Variants in TYK2 observed in about 807,000 individuals in gnomAD.
TYK2 encodes non-receptor tyrosine-protein kinase TYK2.
A neutral mutation model predicts 130.9 loss-of-function variants in TYK2; 65 were observed. The ratio of observed to expected loss-of-function variants is 0.50; its 90% CI spans 0.41 to 0.61. The LOEUF (loss-of-function observed/expected upper bound fraction) is 0.61. Among genes scored for constraint, TYK2 ranks in the 20% least tolerant of loss-of-function variants. TYK2 has a pLI of 0.00. For missense variants in TYK2, 1,378 were observed against 1,610.7 expected (o/e 0.86, Z 2.47); for synonymous variants, 647 against 658.9 (o/e 0.98, Z 0.28).
intron 3 of TYK2, among the ~76,000 whole-genome samples, chr19:10,377,572 G>A (rs1276802003): frequency 5.0e-3 from 249 of 49,388 alleles, no homozygotes; most frequent in Middle Eastern, 0.024. Context: ...GGATGGGTGG[G>A]TGGGTGGATG....
chr19:10,356,769 C>CCGTT, intron 17 of TYK2, 51 bp from the exon 18 acceptor site: 1 of 1,550,662 alleles, frequency 6.4e-7, no homozygotes, highest in Non-Finnish European at 8.7e-7. Flanking sequence ...CGCCCCCAAC[C>CCGTT]CGTTCCCCAA....
At chr19:10,368,590 T>C in intron 3 of TYK2, 172 bp from the exon 4 acceptor site, 3 of 884,552 alleles carry the variant, frequency 3.4e-6, no homozygotes, top group Non-Finnish European at 5.2e-6. Flanking sequence ...TTGCCCATGC[T>C]GTGGCCTCAC....
chr19:10,379,447 G>A (rs1480667208), intron 2 of TYK2, among the ~76,000 whole-genome samples, 168 bp downstream of exon 2: 26 of 150,642 alleles, frequency 1.7e-4, no homozygotes, highest in Admixed American at 1.7e-3. Context: ...CAGATCACGA[G>A]GTCTGGAGAT....
chr19:10,351,662 TA>T (rs1466423898), intron 23 of TYK2, among the ~76,000 whole-genome samples: 1 of 152,210 alleles, frequency 6.6e-6, no homozygotes, highest in Non-Finnish European at 1.5e-5. Flanking sequence ...CTGTGAACGT[TA>T]AACTAATATT....
chr19:10,357,734 G>A (rs563322806), intron 17 of TYK2, 30 bp downstream of exon 17: 39 of 1,580,870 alleles, frequency 2.5e-5, no homozygotes, highest in Admixed American at 7.3e-5. Flanking sequence ...CCCCCACTGC[G>A]GGGAGGGCCC....
Position 10,362,595 on chromosome 19 carries a change from G to C in TYK2, c.1430C>G (p.Thr477Ser). Residue 477 changes from threonine (T) to serine (S), a missense_variant, in exon 10 of 25, where the codon ACC becomes AGC. By Grantham distance (58) the Thr-to-Ser change is moderately conservative (BLOSUM62 1). Transcript: ENST00000525621. ...EDGLYLIHWS[T>S]SHPYRLILTV... Reference sequence around the variant, plus strand: ...GAGGATCAGGCGGTAGGGGTGGCTGGTGCTCCAGTGAATGAGGTACAGGCC... The same window carrying C: ...GAGGATCAGGCGGTAGGGGTGGCTGCTGCTCCAGTGAATGAGGTACAGGCC... The C allele has an allele frequency of 6.4e-7, 1 of 1,553,642 alleles. No individual in the cohort carries two copies. The highest frequency in any genetic ancestry group is 1.2e-5 in the South Asian group (1 of 84,214).
intron 6 of TYK2, 55 bp downstream of exon 6, chr19:10,366,362 A>G: frequency 6.4e-7 from 1 of 1,565,776 alleles, no homozygotes. Context: ...TGGCTCCCAG[A>G]TGCTCAGGAC....
In TYK2 at chr19:10,368,196, A is replaced by G. The variant is rs2041754139; in HGVS notation, c.324T>C (p.Tyr108=). Residue 108 remains tyrosine (Y), a synonymous_variant, in exon 5 of 25, where the codon TAT becomes TAC. Transcript: ENST00000525621. ...GATTCATGCCATGCCAGTTCCGGAAATAAAACCTGCAGGAAGGAGGGACGC... is the reference window on the plus strand; with the variant it reads ...GATTCATGCCATGCCAGTTCCGGAAGTAAAACCTGCAGGAAGGAGGGACGC... ...SLMLYFRIRF[Y]FRNWHGMNPR... 1 of 1,614,172 alleles carries G rather than the reference A, an allele frequency of 6.2e-7. No homozygotes were observed.
At position 10,350,766 on chromosome 19, in the gene TYK2, G is replaced by A. The variant is rs1450668730; in HGVS notation, c.*68C>T. On this transcript the variant is annotated 3_prime_UTR_variant, in exon 25 of 25. Coordinates refer to ENST00000525621, the MANE Select transcript of TYK2 (RefSeq NM_003331.5). ...CCCCTCTTGGTTTCATCCTGGAGCA[G>A]GGAGCAGGAGGCTCCCTCTGCAGCC... 6.9e-6 allele frequency: 11 copies of A among 1,587,084 alleles called. No homozygotes were observed. Among genetic ancestry groups the A allele is most frequent in the Middle Eastern group, 2.3e-4 (1 of 4,390 alleles).
Position 10,361,084 on chromosome 19 carries a change from A to C in TYK2, c.2047+427T>G. On this transcript the variant is annotated intron_variant, in intron 14 of 24. Coordinates refer to ENST00000525621, the MANE Select transcript of TYK2 (RefSeq NM_003331.5). The surrounding 1 kb of genome is among the most constrained non-coding windows in gnomAD (Gnocchi z 4.0). ...GGAGTTTTGAGCTACCTGCAGAGGAAAGGAAGAGGTGGGGTTAGGCAGGGT... is the reference window on the plus strand; with the variant it reads ...GGAGTTTTGAGCTACCTGCAGAGGACAGGAAGAGGTGGGGTTAGGCAGGGT... 5 of 470,642 alleles carry C rather than the reference A, an allele frequency of 1.1e-5. No individual in the cohort carries two copies. The highest frequency in any genetic ancestry group is 8.4e-6 in the Non-Finnish European group (2 of 237,694). 29.2% of individuals were successfully genotyped at this position (470,642 alleles called of 1,614,324 possible).
intron 3 of TYK2, among the ~76,000 whole-genome samples, chr19:10,375,521 G>A (rs1483078188): frequency 1.3e-5 from 2 of 152,082 alleles, no homozygotes; most frequent in Non-Finnish European, 2.9e-5. Flanking sequence ...GGCGGCTGAG[G>A]CAGGAGAATG....
chr19:10,353,658 A>AG lies in TYK2; in HGVS notation c.2909-13dup. 6.8e-7 allele frequency: 1 copy of AG among 1,465,768 alleles called. No homozygotes were observed. Among genetic ancestry groups the AG allele is most frequent in the Non-Finnish European group, 9.0e-7 (1 of 1,107,342 alleles). The allele number at this position is 1,465,768 out of a possible 1,614,324, so 90.8% of individuals were successfully genotyped here. A position where few individuals can be genotyped will look rare whatever the true frequency, so the allele number is the denominator to read the frequency against. On this transcript the variant is annotated splice_polypyrimidine_tract_variant and intron_variant, in intron 20 of 24. Transcript: ENST00000525621. This position sits in a 1 kb window ranked among gnomAD's most constrained non-coding sequence, Gnocchi z 6.9. ...CAGCGACTTCTCGCCTGCCGCGGAG[A>AG]GGGGCGGCCCCGGTGGGGGACGATA...
chr19:10,351,495 AAAAAG>A (rs1350228424), intron 23 of TYK2: 2 of 334,486 alleles, frequency 6.0e-6, no homozygotes, highest in East Asian at 7.6e-5. Flanking sequence ...CTCAAAAAAG[AAAAAG>A]AAATCACTCT....
In TYK2 at chr19:10,354,242, G is replaced by A; in HGVS notation, c.2716-8C>T. The stretch of plus-strand genomic sequence containing the variant: ...GACCTTGCCGAAGTGACCCTGGTCG[G>A]GAGCGCACGAGGGTCAGCTCCACCT... On this transcript the variant is annotated splice_region_variant and splice_polypyrimidine_tract_variant and intron_variant, in intron 19 of 24. Coordinates refer to ENST00000525621, the MANE Select transcript of TYK2 (RefSeq NM_003331.5). The A allele has an allele frequency of 6.2e-7, 1 of 1,610,390 alleles. No individual in the cohort carries two copies. The highest frequency in any genetic ancestry group is 8.5e-7 in the Non-Finnish European group (1 of 1,179,976).
chr19:10,355,265 C>T (rs189393088), intron 18 of TYK2, among the ~76,000 whole-genome samples: 7 of 151,642 alleles, frequency 4.6e-5, no homozygotes, highest in Admixed American at 4.6e-4. Context: ...GAATAACCAC[C>T]ACACTCCTGC....
In TYK2 at chr19:10,367,220, G is replaced by T. The variant is rs542381785; in HGVS notation, c.466-640C>A. On this transcript the variant is annotated intron_variant, in intron 5 of 24. Coordinates refer to ENST00000525621, the MANE Select transcript of TYK2 (RefSeq NM_003331.5). ...CTGCGTCTTACCACCTTGAGGAGGG[G>T]AGAGACCACCATTTACTGGAAAGGC... 3.2e-4 allele frequency among the ~76,000 whole-genome samples: 49 copies of T among 152,262 alleles called. 1 individual carries two copies. Among genetic ancestry groups the T allele is most frequent in the African/African-American group, 1.2e-3 (48 of 41,556 alleles).
Position 10,361,977 on chromosome 19 carries a change from A to G in TYK2, c.1774-22T>C, listed in dbSNP as rs375051838. The G allele has an allele frequency of 2.5e-6, 4 of 1,613,776 alleles. No homozygotes were observed. The African/African-American group carries it at 5.3e-5, about 22-fold the overall frequency. The stretch of plus-strand genomic sequence containing the variant: ...ACAGCTGCGGGATCATGTGGCACAG[A>G]ATACCGCCATGGTGAAAGTTAGCAG... On this transcript the variant is annotated intron_variant, in intron 12 of 24. Coordinates refer to ENST00000525621, the MANE Select transcript of TYK2 (RefSeq NM_003331.5). The surrounding 1 kb of genome is among the most constrained non-coding windows in gnomAD (Gnocchi z 4.0).
intron 7 of TYK2, 126 bp from the exon 8 acceptor site, chr19:10,365,174 C>A (rs544403430): frequency 4.0e-4 from 441 of 1,111,830 alleles, no homozygotes; most frequent in Middle Eastern, 3.7e-3. Context: ...CCTCCCAAGT[C>A]CCAGTGTCAC....
chr19:10,375,483 G>A (rs1207681455), intron 3 of TYK2, among the ~76,000 whole-genome samples: 1 of 151,750 alleles, frequency 6.6e-6, no homozygotes, highest in African/African-American at 2.4e-5. Context: ...CCGGGCGTGG[G>A]GTGTGCACCT....
Sources: allele counts gnomAD v4.1 joint callset (sites outside exome capture counted in the v4.1 genomes callset), GRCh38; gene constraint gnomAD v4.1.1; non-coding constraint Gnocchi (gnomAD v3.1); transcripts MANE v1.5; gene names NCBI Gene and HGNC (gene_info 2026-07-23, HGNC 2026-07-21).